Variants in SNX6 observed in about 807,000 individuals in gnomAD.
SNX6 encodes sorting nexin-6.
In SNX6, 34 loss-of-function variants were observed where a neutral mutation model predicts 63.0. The observed-to-expected ratio is 0.54, with a 90% confidence interval of 0.41 to 0.72. The LOEUF (loss-of-function observed/expected upper bound fraction) is 0.72. SNX6 is among the 30% of genes least tolerant of loss of function. SNX6 has a pLI of 0.00. For missense variants in SNX6, 398 were observed against 471.4 expected, an observed-to-expected ratio of 0.84 and a Z score of 1.44; for synonymous variants, 170 against 164.2, an observed-to-expected ratio of 1.04 and a Z score of -0.27.
intron 10 of SNX6, among the ~76,000 whole-genome samples, chr14:34,577,373 GCCGCTGTGCCCA>G (rs1452528913): frequency 2.0e-5 from 3 of 152,126 alleles, no homozygotes; most frequent in Admixed American, 2.0e-4. Context: ...ACAGATGTGA[GCCGCTGTGCCCA>G]GCCTCTATTC....
At chr14:34,622,274 T>C (rs897892848) in intron 2 of SNX6, among the ~76,000 whole-genome samples, 2 of 149,406 alleles carry the variant, frequency 1.3e-5, no homozygotes, top group African/African-American at 4.9e-5. Flanking sequence ...GGCATGTCTT[T>C]CCTAGCTTAA....
chr14:34,569,198 G>T, intron 11 of SNX6: 3 of 695,732 alleles, frequency 4.3e-6, no homozygotes, highest in Middle Eastern at 4.1e-4. Context: ...GTAACAGCTT[G>T]ATAGTCCATG....
intron 7 of SNX6, among the ~76,000 whole-genome samples, chr14:34,595,805 C>T (rs1454897688): frequency 1.3e-5 from 2 of 152,094 alleles, no homozygotes; most frequent in Non-Finnish European, 2.9e-5. Flanking sequence ...GATGACAAAG[C>T]AGCATTCTTT....
At chr14:34,622,309 G>A (rs556073873) in intron 2 of SNX6, among the ~76,000 whole-genome samples, 96 of 150,228 alleles carry the variant, frequency 6.4e-4, no homozygotes, top group African/African-American at 1.5e-3. Context: ...GGCCGGGCAC[G>A]GTGGCTCATG....
intron 2 of SNX6, among the ~76,000 whole-genome samples, chr14:34,612,559 G>A (rs540290664): frequency 1.6e-4 from 25 of 151,842 alleles, no homozygotes; most frequent in Non-Finnish European, 3.4e-4. Flanking sequence ...TCAACCTCCC[G>A]AGTAGCTAGG....
At chr14:34,590,181 C>A (rs987750607) in intron 8 of SNX6, among the ~76,000 whole-genome samples, 3 of 151,972 alleles carry the variant, frequency 2.0e-5, no homozygotes, top group African/African-American at 7.3e-5. Flanking sequence ...GTAATCCCAG[C>A]ACTTTGGGAG....
chr14:34,599,168 T>C (rs60412145), intron 6 of SNX6, among the ~76,000 whole-genome samples: 60,123 of 152,112 alleles, frequency 0.4, 13,185 homozygotes, highest in East Asian at 0.74. Flanking sequence ...GGTATTTTGT[T>C]ATAGCAGCCA....
chr14:34,597,829 T>A (rs1594726746), intron 6 of SNX6, among the ~76,000 whole-genome samples, 184 bp from the exon 7 acceptor site: 1 of 152,290 alleles, frequency 6.6e-6, no homozygotes, highest in South Asian at 2.1e-4. Flanking sequence ...TTGGTAATAA[T>A]ATAGATATTC....
At chr14:34,620,961 A>G (rs1489518407) in intron 2 of SNX6, among the ~76,000 whole-genome samples, 3 of 152,064 alleles carry the variant, frequency 2.0e-5, no homozygotes, top group Non-Finnish European at 4.4e-5. Context: ...AAAAAATAAA[A>G]AATGGTGACG....
At chr14:34,591,535 G>C (rs1349125696) in intron 8 of SNX6, among the ~76,000 whole-genome samples, 1 of 152,024 alleles carries the variant, frequency 6.6e-6, no homozygotes, top group Non-Finnish European at 1.5e-5. Flanking sequence ...CAGTGGCAGA[G>C]GCTGCAGTGA....
chr14:34,567,008 A>C (rs1458061431), intron 13 of SNX6, among the ~76,000 whole-genome samples: 2 of 152,276 alleles, frequency 1.3e-5, no homozygotes, highest in African/African-American at 4.8e-5. Flanking sequence ...GTATCACCTC[A>C]TGTCAGGAGT....
At chr14:34,625,604 G>A (rs780373280) in intron 2 of SNX6, among the ~76,000 whole-genome samples, 16 of 151,982 alleles carry the variant, frequency 1.1e-4, no homozygotes, top group Non-Finnish European at 1.6e-4. Flanking sequence ...GCCTGGTGGC[G>A]GGCACCTATA....
At chr14:34,622,683 A>G (rs1244971075) in intron 2 of SNX6, among the ~76,000 whole-genome samples, 1 of 152,116 alleles carries the variant, frequency 6.6e-6, no homozygotes, top group Non-Finnish European at 1.5e-5. Flanking sequence ...TGCTCCAGTA[A>G]GAACAAGTGC....
At chr14:34,576,716 T>C (rs1881723195) in intron 10 of SNX6, among the ~76,000 whole-genome samples, 2 of 151,940 alleles carry the variant, frequency 1.3e-5, no homozygotes, top group South Asian at 2.1e-4. Context: ...TCCAAAGTGC[T>C]GGGATTACAG....
intron 10 of SNX6, among the ~76,000 whole-genome samples, chr14:34,577,369 G>A (rs1425663198): frequency 2.0e-5 from 3 of 152,202 alleles, no homozygotes; most frequent in African/African-American, 7.2e-5. Flanking sequence ...GATTACAGAT[G>A]TGAGCCGCTG....
At chr14:34,587,798 ATTTTTTTTTTT>A (rs1168575667) in intron 8 of SNX6, among the ~76,000 whole-genome samples, 1 of 107,062 alleles carries the variant, frequency 9.3e-6, no homozygotes, top group East Asian at 2.5e-4. Flanking sequence ...CGGTTGGCTA[ATTTTTTTTTTT>A]TTTTTTTTTT....
chr14:34,577,911 A>T (rs1283568444), intron 10 of SNX6, among the ~76,000 whole-genome samples: 1 of 152,158 alleles, frequency 6.6e-6, no homozygotes, highest in Non-Finnish European at 1.5e-5. Context: ...AATGTAGAAA[A>T]TGTTAATATT....
chr14:34,597,667 AT>A, intron 6 of SNX6, 22 bp from the exon 7 acceptor site: 1 of 1,404,586 alleles, frequency 7.1e-7, no homozygotes, highest in Non-Finnish European at 1.0e-6. Flanking sequence ...GTAATTTAAC[AT>A]TTTTAAGGTT....
chr14:34,588,739 T>G (rs1421827141), intron 8 of SNX6, among the ~76,000 whole-genome samples: 1 of 151,742 alleles, frequency 6.6e-6, no homozygotes, highest in Admixed American at 6.6e-5. Flanking sequence ...ATGCCAGTTC[T>G]CTCCAAATTA....
Sources: allele counts gnomAD v4.1 joint callset (sites outside exome capture counted in the v4.1 genomes callset), GRCh38; gene constraint gnomAD v4.1.1; transcripts MANE v1.5; gene names NCBI Gene and HGNC (gene_info 2026-07-23, HGNC 2026-07-21).